The following FAM241A variants were observed in gnomAD, a reference collection of about 807,000 sequenced individuals.
The protein encoded by FAM241A is uncharacterized protein FAM241A.
Under a neutral mutation model 12.2 loss-of-function variants are expected in FAM241A, and 7 were observed. The observed-to-expected ratio is 0.58, with a 90% confidence interval of 0.33 to 1.08. The LOEUF is 1.08. Ranked by LOEUF, FAM241A falls within the 50% of genes least tolerant of loss-of-function variation. The pLI is 0.04. For synonymous variants in FAM241A, 74 were observed against 68.2 expected, an observed-to-expected ratio of 1.08 and a Z score of -0.42; for missense variants, 161 against 169.7, an observed-to-expected ratio of 0.95 and a Z score of 0.29.
intron 1 of FAM241A, among the ~76,000 whole-genome samples, chr4:112,165,234 A>G (rs1193112926): frequency 6.6e-6 from 1 of 152,244 alleles, no homozygotes; most frequent in Non-Finnish European, 1.5e-5. Flanking sequence ...AATGTCTTTT[A>G]TCCAAAAGAC....
rs1271459429 is a variant in FAM241A, at chr4:112,189,725, T to G, written c.*2787T>G. 6.6e-6 allele frequency: 1 copy of G among 152,236 alleles called. No homozygotes were observed. The highest frequency in any genetic ancestry group is 1.5e-5 in the Non-Finnish European group (1 of 68,034). 9.4% of individuals were successfully genotyped at this position (152,236 alleles called of 1,614,324 possible). ...GTAGTGTGCTGGAGCAAGCTTGCAC[T>G]GGCTTACAAGAGCCAACTGTGAACA... On this transcript the variant is annotated 3_prime_UTR_variant, in exon 2 of 2. Coordinates refer to ENST00000309733, the MANE Select transcript of FAM241A (RefSeq NM_152400.3).
chr4:112,175,943 C>T (rs1269902610), intron 1 of FAM241A, among the ~76,000 whole-genome samples: 1 of 152,118 alleles, frequency 6.6e-6, no homozygotes, highest in Admixed American at 6.6e-5. Context: ...ACTTTCAATA[C>T]TGCATATGTA....
At chr4:112,147,578 A>T (rs1037017348) in intron 1 of FAM241A, among the ~76,000 whole-genome samples, 1 of 152,198 alleles carries the variant, frequency 6.6e-6, no homozygotes, top group Non-Finnish European at 1.5e-5. Context: ...ATGCATTGCC[A>T]TGTAATGATG....
chr4:112,167,063 G>A (rs1215919748), intron 1 of FAM241A, among the ~76,000 whole-genome samples: 1 of 131,342 alleles, frequency 7.6e-6, no homozygotes, highest in South Asian at 2.5e-4. Flanking sequence ...GCAGTGAGCC[G>A]AGATCCCGCC....
At chr4:112,158,644 G>A (rs1398469254) in intron 1 of FAM241A, among the ~76,000 whole-genome samples, 1 of 152,054 alleles carries the variant, frequency 6.6e-6, no homozygotes, top group Non-Finnish European at 1.5e-5. Context: ...AAGCAGAAAG[G>A]TAGACAGGGA....
At chr4:112,181,744 A>G (rs576080996) in intron 1 of FAM241A, among the ~76,000 whole-genome samples, 2 of 152,314 alleles carry the variant, frequency 1.3e-5, no homozygotes, top group African/African-American at 4.8e-5. Context: ...GGCGAGCAAG[A>G]GCTGAAAGAC....
chr4:112,174,388 TCAC>T (rs1417483800), intron 1 of FAM241A, among the ~76,000 whole-genome samples: 2 of 152,212 alleles, frequency 1.3e-5, no homozygotes, highest in Non-Finnish European at 2.9e-5. Context: ...GCACGGTGAC[TCAC>T]GCCTGTAATC....
At chr4:112,175,866 T>C (rs1470902710) in intron 1 of FAM241A, among the ~76,000 whole-genome samples, 4 of 152,104 alleles carry the variant, frequency 2.6e-5, no homozygotes, top group Non-Finnish European at 2.9e-5. Context: ...GCAGGTAAAG[T>C]ATGGTTTCCC....
rs1434129856 is a variant in FAM241A, at chr4:112,192,353, A to G, written c.*5415A>G. 2.7e-5 allele frequency: 4 copies of G among 150,580 alleles called. No individual in the cohort carries two copies. Among genetic ancestry groups the G allele is most frequent in the African/African-American group, 9.8e-5 (4 of 40,774 alleles). The allele number at this position is 150,580 out of a possible 1,614,324, so 9.3% of individuals were successfully genotyped here. A position where few individuals can be genotyped will look rare whatever the true frequency, so the allele number is the denominator to read the frequency against. On this transcript the variant is annotated 3_prime_UTR_variant, in exon 2 of 2. Coordinates refer to ENST00000309733, the MANE Select transcript of FAM241A (RefSeq NM_152400.3). The stretch of plus-strand genomic sequence containing the variant: ...TTTTTTAATTTTTTTCTTTTATTTT[A>G]TTGTTATTATACTTTAAGTTTTAGG...
chr4:112,168,197 ACT>A (rs1311512312), intron 1 of FAM241A, among the ~76,000 whole-genome samples: 2 of 151,858 alleles, frequency 1.3e-5, no homozygotes, highest in African/African-American at 2.4e-5. Flanking sequence ...ATGTAGATAC[ACT>A]GTTTTTCAAA....
intron 1 of FAM241A, chr4:112,171,085 A>T: frequency 2.9e-6 from 1 of 339,428 alleles, no homozygotes; most frequent in South Asian, 2.8e-5. Context: ...CAGGTGCTAT[A>T]CTACAGTGAG....
chr4:112,184,853 A>G (rs1349328557), intron 1 of FAM241A, among the ~76,000 whole-genome samples: 1 of 152,190 alleles, frequency 6.6e-6, no homozygotes, highest in Non-Finnish European at 1.5e-5. Context: ...AATATTTTTA[A>G]TTATTTACTG....
At chr4:112,164,806 C>T (rs767288484) in intron 1 of FAM241A, among the ~76,000 whole-genome samples, 4 of 152,128 alleles carry the variant, frequency 2.6e-5, no homozygotes, top group Admixed American at 6.5e-5. Context: ...TTTAAATAGA[C>T]ATTCCTCAAA....
At chr4:112,155,958 A>G (rs769057006) in intron 1 of FAM241A, among the ~76,000 whole-genome samples, 21 of 152,198 alleles carry the variant, frequency 1.4e-4, no homozygotes, top group Non-Finnish European at 3.1e-4. Flanking sequence ...GAGGTTAAGT[A>G]ACATAGTGAA....
intron 1 of FAM241A, among the ~76,000 whole-genome samples, chr4:112,164,761 A>T: frequency 6.6e-6 from 1 of 152,208 alleles, no homozygotes; most frequent in East Asian, 1.9e-4. Context: ...TATAGGAAAA[A>T]TGTCTAATAA....
At chr4:112,168,166 G>A (rs1171858030) in intron 1 of FAM241A, among the ~76,000 whole-genome samples, 1 of 152,172 alleles carries the variant, frequency 6.6e-6, no homozygotes, top group African/African-American at 2.4e-5. Flanking sequence ...AATATACTTT[G>A]TTATGAAATA....
intron 1 of FAM241A, among the ~76,000 whole-genome samples, chr4:112,175,292 T>C (rs1359597898): frequency 1.3e-5 from 2 of 152,146 alleles, no homozygotes; most frequent in Non-Finnish European, 2.9e-5. Flanking sequence ...TAGCAAGCTT[T>C]CCCCCCTAGT....
At chr4:112,159,264 C>T (rs1723413840) in intron 1 of FAM241A, among the ~76,000 whole-genome samples, 1 of 152,182 alleles carries the variant, frequency 6.6e-6, no homozygotes, top group Non-Finnish European at 1.5e-5. Flanking sequence ...ACATATCTTT[C>T]TTCAATCTAG....
chr4:112,153,186 T>C (rs1208330131), intron 1 of FAM241A, among the ~76,000 whole-genome samples: 1 of 152,206 alleles, frequency 6.6e-6, no homozygotes, highest in Non-Finnish European at 1.5e-5. Context: ...AATTATGTTG[T>C]TTTTTATGTA....
Sources: gnomAD v4.1 joint callset for allele counts (sites outside exome capture counted in the v4.1 genomes callset) on GRCh38, gnomAD v4.1.1 for gene constraint, MANE v1.5 for transcripts, NCBI Gene and HGNC (gene_info 2026-07-23, HGNC 2026-07-21) for gene names.